The following GABRA1 variants were observed in gnomAD, a reference collection of about 807,000 sequenced individuals.
GABRA1 encodes gamma-aminobutyric acid receptor subunit alpha-1.
GABRA1 carries 9 observed loss-of-function variants against 48.9 expected under a neutral mutation model. That is an observed-to-expected ratio of 0.18 (90% confidence interval 0.11 to 0.32). The LOEUF (loss-of-function observed/expected upper bound fraction) is 0.32. Among genes scored for constraint, GABRA1 ranks in the 10% least tolerant of loss-of-function variants. GABRA1 has a pLI of 1.00. For synonymous variants in GABRA1, 210 were observed against 198.7 expected, an observed-to-expected ratio of 1.06 and a Z score of -0.48; for missense variants, 285 against 553.8, an observed-to-expected ratio of 0.51 and a Z score of 4.87.
intron 4 of GABRA1, among the ~76,000 whole-genome samples, chr5:161,866,479 G>A (rs371578012): frequency 1.3e-5 from 2 of 152,110 alleles, no homozygotes; most frequent in East Asian, 1.9e-4. Context: ...ACATCATAAA[G>A]TGGTCATGGA....
At position 161,898,411 on chromosome 5, in the gene GABRA1, T is replaced by C. The variant is rs1387521424; in HGVS notation, c.*989T>C. The C allele has an allele frequency of 6.6e-6, 1 of 152,556 alleles. No individual in the cohort carries two copies. Among genetic ancestry groups the C allele is most frequent in the Non-Finnish European group, 1.5e-5 (1 of 67,978 alleles). The allele number at this position is 152,556 out of a possible 1,614,324, so 9.5% of individuals were successfully genotyped here. A position where few individuals can be genotyped will look rare whatever the true frequency, so the allele number is the denominator to read the frequency against. Reference sequence around the variant, plus strand: ...GACTAGCAAACAAAAATAGAATATATAAACGATATATGTAAATATACAGCA... The same window carrying C: ...GACTAGCAAACAAAAATAGAATATACAAACGATATATGTAAATATACAGCA... On this transcript the variant is annotated 3_prime_UTR_variant, in exon 10 of 10. Coordinates refer to ENST00000393943, the MANE Select transcript of GABRA1 (RefSeq NM_001127644.2).
chr5:161,896,529 G>C (rs527338360), intron 9 of GABRA1, among the ~76,000 whole-genome samples: 1 of 152,294 alleles, frequency 6.6e-6, no homozygotes, highest in South Asian at 2.1e-4. Flanking sequence ...GGATAGCTGT[G>C]TTTGTGGGGT....
intron 9 of GABRA1, 62 bp from the exon 10 acceptor site, chr5:161,897,049 C>T: frequency 3.3e-6 from 5 of 1,516,888 alleles, no homozygotes; most frequent in Non-Finnish European, 3.7e-6. Flanking sequence ...CCTTGCTCAG[C>T]AACTTATAAT....
intron 6 of GABRA1, chr5:161,882,220 C>A: frequency 2.8e-6 from 1 of 354,088 alleles, no homozygotes; most frequent in Non-Finnish European, 5.4e-6. Context: ...CTTGAAATTA[C>A]ATACGTATTT....
rs780800247 is a variant in GABRA1, at chr5:161,875,626, A to T, written c.543A>T (p.Pro181=). The change falls in exon 6 of 10, where the codon CCA becomes CCT. Residue 181 remains proline, a synonymous_variant. Transcript: ENST00000393943. The stretch of plus-strand genomic sequence containing the variant: ...TCCCTATGGATGCCCATGCTTGCCC[A>T]CTAAAATTTGGAAGTTGTGAGTAAA... The part of the protein sequence containing the change: ...EDFPMDAHAC[P]LKFGSYAYTR... 5 of 1,613,260 alleles carry T rather than the reference A, an allele frequency of 3.1e-6. No individual in the cohort carries two copies. The highest frequency in any genetic ancestry group is 4.2e-6 in the Non-Finnish European group (5 of 1,179,342).
chr5:161,897,438 T>C lies in GABRA1; in HGVS notation c.*16T>C. On this transcript the variant is annotated 3_prime_UTR_variant, in exon 10 of 10. Coordinates refer to ENST00000393943, the MANE Select transcript of GABRA1 (RefSeq NM_001127644.2). Reference sequence around the variant, plus strand: ...ACATCAATAGATCTTTTACTCACATTCTGTTGTTCAGTCCTCTGCACTGGG... The same window carrying C: ...ACATCAATAGATCTTTTACTCACATCCTGTTGTTCAGTCCTCTGCACTGGG... The C allele has an allele frequency of 6.2e-7, 1 of 1,607,962 alleles. No homozygotes were observed. Among genetic ancestry groups the C allele is most frequent in the Non-Finnish European group, 8.5e-7 (1 of 1,174,660 alleles).
At chr5:161,893,157 C>G (rs186792974) in intron 8 of GABRA1, among the ~76,000 whole-genome samples, 5 of 151,838 alleles carry the variant, frequency 3.3e-5, no homozygotes, top group Non-Finnish European at 7.4e-5. Context: ...CCCACACCAA[C>G]GAATTCTACT....
At position 161,850,554 on chromosome 5, in the gene GABRA1, C is replaced by T. The variant is rs190520483; in HGVS notation, c.-15-242C>T. The T allele has an allele frequency of 2.1e-3, 1,204 of 582,466 alleles. 5 individuals are homozygous for T. The highest frequency in any genetic ancestry group is 6.2e-3 in the Middle Eastern group (14 of 2,248). 36.1% of individuals were successfully genotyped at this position (582,466 alleles called of 1,614,324 possible). A position where few individuals can be genotyped will look rare whatever the true frequency, so the allele number is the denominator to read the frequency against. On this transcript the variant is annotated intron_variant, in intron 1 of 9. Transcript: ENST00000393943. Reference sequence around the variant, plus strand: ...GTTGAGCAATACTGTCACCTGAAAGCGTTTCAGCTTGTATTCTTTTACAGG... The same window carrying T: ...GTTGAGCAATACTGTCACCTGAAAGTGTTTCAGCTTGTATTCTTTTACAGG...
At chr5:161,886,827 C>A (rs1391726835) in intron 7 of GABRA1, among the ~76,000 whole-genome samples, 1 of 151,924 alleles carries the variant, frequency 6.6e-6, no homozygotes, top group Non-Finnish European at 1.5e-5. Context: ...TGTAAGGGAA[C>A]TACATGATGG....
rs531306311 is a variant in GABRA1 at position 161,854,051 on chromosome 5, G to A, written c.75-107G>A. The stretch of plus-strand genomic sequence containing the variant: ...TGTGAAAAAATAATTTTCAAGTTAA[G>A]ATTCAGTAGAAACCAAAGTAGAAAA... On this transcript the variant is annotated intron_variant, in intron 2 of 9. Coordinates refer to ENST00000393943, the MANE Select transcript of GABRA1 (RefSeq NM_001127644.2). 1.2e-4 allele frequency: 70 copies of A among 568,964 alleles called. 2 individuals are homozygous for A. The South Asian group carries it at 1.8e-3, about 15-fold the overall frequency. 35.2% of individuals were successfully genotyped at this position (568,964 alleles called of 1,614,324 possible). A position where few individuals can be genotyped will look rare whatever the true frequency, so the allele number is the denominator to read the frequency against.
intron 3 of GABRA1, among the ~76,000 whole-genome samples, chr5:161,862,394 CT>C (rs567842251): frequency 1.3e-5 from 2 of 151,802 alleles, no homozygotes; most frequent in Non-Finnish European, 2.9e-5. Context: ...TTGCCTCCTT[CT>C]TTTTTTTAAT....
At chr5:161,853,763 TA>T (rs1288290776) in intron 2 of GABRA1, 1 of 159,468 alleles carries the variant, frequency 6.3e-6, no homozygotes, top group East Asian at 1.8e-4. Context: ...GCATGTTAAA[TA>T]AAAAAGAAAA....
chr5:161,848,528 C>CGGGG (rs1450654848), intron 1 of GABRA1, 106 bp downstream of exon 1: 9 of 5,510 alleles, frequency 1.6e-3, no homozygotes, highest in African/African-American at 6.8e-3. Context: ...CGGGGGGAGA[C>CGGGG]GGGGGGAGAG....
At chr5:161,877,221 A>G (rs1754396488) in intron 6 of GABRA1, among the ~76,000 whole-genome samples, 1 of 152,228 alleles carries the variant, frequency 6.6e-6, no homozygotes, top group South Asian at 2.1e-4. Flanking sequence ...TTGGGATTAC[A>G]GGCATAAGCC....
chr5:161,891,726 C>T (rs1206594605), intron 8 of GABRA1, among the ~76,000 whole-genome samples: 3 of 151,942 alleles, frequency 2.0e-5, no homozygotes, highest in African/African-American at 4.8e-5. Flanking sequence ...CCTATATCCC[C>T]GTATACTATT....
At chr5:161,883,998 G>T (rs2113420175) in intron 7 of GABRA1, among the ~76,000 whole-genome samples, 1 of 152,166 alleles carries the variant, frequency 6.6e-6, no homozygotes, top group African/African-American at 2.4e-5. Context: ...TTCTGATCTT[G>T]TCGCTTAGAA....
At chr5:161,871,283 G>A (rs749762141) in intron 4 of GABRA1, among the ~76,000 whole-genome samples, 1 of 152,114 alleles carries the variant, frequency 6.6e-6, no homozygotes, top group Non-Finnish European at 1.5e-5. Context: ...TCATGGGAAC[G>A]TGGTCACCTT....
intron 8 of GABRA1, 128 bp from the exon 9 acceptor site, chr5:161,895,538 T>C (rs1755322238): frequency 2.4e-6 from 2 of 841,302 alleles, no homozygotes; most frequent in East Asian, 5.3e-5. Context: ...TAAACCAAAA[T>C]AAGATGGTCT....
chr5:161,862,469 A>G (rs1757900287), intron 3 of GABRA1, among the ~76,000 whole-genome samples: 1 of 151,598 alleles, frequency 6.6e-6, no homozygotes, highest in Admixed American at 6.6e-5. Flanking sequence ...TTAAAGTCTC[A>G]TTTCAAGTTT....
Sources: gnomAD v4.1 joint callset for allele counts (sites outside exome capture counted in the v4.1 genomes callset) on GRCh38, gnomAD v4.1.1 for gene constraint, MANE v1.5 for transcripts, NCBI Gene and HGNC (gene_info 2026-07-23, HGNC 2026-07-21) for gene names.